CSMD3: variants seen among roughly 807,000 people sequenced by gnomAD.
CSMD3 encodes the protein CUB and Sushi multiple domains 3, also known as CUB and sushi domain-containing protein 3.
In CSMD3, 177 loss-of-function variants were observed where a neutral mutation model predicts 435.2. The ratio of observed to expected loss-of-function variants is 0.41; its 90% confidence interval spans 0.36 to 0.46. CSMD3 has a LOEUF of 0.46. Ranked by LOEUF, CSMD3 falls within the 20% of genes least tolerant of loss-of-function variation. The pLI is 0.34. For synonymous variants in CSMD3, 1,656 were observed against 1,520.5 expected (o/e 1.09, Z -2.07); for missense variants, 4,265 against 4,504.6 (o/e 0.95, Z 1.52).
At chr8:112,927,360 A>G (rs1404672552) in intron 9 of CSMD3, among the ~76,000 whole-genome samples, 5 of 152,120 alleles carry the variant, frequency 3.3e-5, no homozygotes, top group African/African-American at 7.2e-5. Flanking sequence ...TTTCTTTCTT[A>G]TTTCCTTCTT....
At position 113,148,146 on chromosome 8, in the gene CSMD3, A is replaced by G. The variant is rs182900091; in HGVS notation, c.709+25576T>C. Among the ~76,000 whole-genome samples, 6 of 151,864 alleles carry G rather than the reference A, an allele frequency of 4.0e-5. No individual in the cohort carries two copies. The South Asian group carries it at 8.3e-4, about 21-fold the overall frequency. Reference sequence around the variant, plus strand: ...CTCATTTCTAAAGAGTTTTATATCCATATCTTCCATTCCACAGCCTCTCAC... The same window carrying G: ...CTCATTTCTAAAGAGTTTTATATCCGTATCTTCCATTCCACAGCCTCTCAC... On this transcript the variant is annotated intron_variant, in intron 4 of 70. Coordinates refer to ENST00000297405, the MANE Select transcript of CSMD3 (RefSeq NM_198123.2).
intron 3 of CSMD3, among the ~76,000 whole-genome samples, chr8:113,267,079 T>C (rs143657334): frequency 1.3e-5 from 2 of 151,736 alleles, no homozygotes; most frequent in African/African-American, 4.8e-5. Flanking sequence ...AGAATTATTA[T>C]TGTTAAAAAG....
intron 12 of CSMD3, among the ~76,000 whole-genome samples, chr8:112,826,626 T>C (rs1407047380): frequency 6.6e-6 from 1 of 152,172 alleles, no homozygotes; most frequent in East Asian, 1.9e-4. Context: ...ACTGCTCTTT[T>C]TCCTCTCCTT....
chr8:112,483,694 T>G (rs1819848707), intron 31 of CSMD3, among the ~76,000 whole-genome samples: 1 of 152,070 alleles, frequency 6.6e-6, no homozygotes, highest in Non-Finnish European at 1.5e-5. Context: ...AATGAGGCTT[T>G]TGTAAGGCCT....
chr8:112,938,246 A>G (rs2083345293), intron 9 of CSMD3, among the ~76,000 whole-genome samples: 2 of 152,194 alleles, frequency 1.3e-5, no homozygotes, highest in Admixed American at 6.6e-5. Flanking sequence ...ATTAATGCCC[A>G]TGAACTTTCT....
intron 68 of CSMD3, among the ~76,000 whole-genome samples, chr8:112,232,985 T>C (rs1348445135): frequency 6.6e-6 from 1 of 152,194 alleles, no homozygotes; most frequent in Non-Finnish European, 1.5e-5. Flanking sequence ...ACTAAATACT[T>C]ATTATTGTTT....
intron 25 of CSMD3, among the ~76,000 whole-genome samples, chr8:112,553,899 G>A (rs1827896312): frequency 6.6e-6 from 1 of 151,846 alleles, no homozygotes; most frequent in Non-Finnish European, 1.5e-5. Flanking sequence ...TGTCAACTTG[G>A]CTGGGCTATT....
intron 44 of CSMD3, among the ~76,000 whole-genome samples, chr8:112,336,330 G>T (rs1824550853): frequency 6.6e-6 from 1 of 152,070 alleles, no homozygotes; most frequent in Non-Finnish European, 1.5e-5. Context: ...ACTGGCTTTT[G>T]TAAGTAGAGA....
At chr8:112,744,614 A>AT (rs545880939) in intron 13 of CSMD3, among the ~76,000 whole-genome samples, 160 of 151,652 alleles carry the variant, frequency 1.1e-3, no homozygotes, top group Non-Finnish European at 1.8e-3. Flanking sequence ...TAATATAGAG[A>AT]TTTTTTTTTC....
At chr8:112,465,944 C>A (rs1360277518) in intron 32 of CSMD3, among the ~76,000 whole-genome samples, 4 of 146,240 alleles carry the variant, frequency 2.7e-5, no homozygotes, top group Middle Eastern at 3.6e-3. Context: ...CACTGCACTG[C>A]AGCCTGGGAA....
rs758152640 is a variant in CSMD3, at chr8:112,306,016, G to A, written c.8062C>T (p.Arg2688Cys). 12 of 1,612,976 alleles carry A rather than the reference G, an allele frequency of 7.4e-6. No homozygotes were observed. The highest frequency in any genetic ancestry group is 3.3e-5 in the Admixed American group (2 of 59,996). Residue 2688 changes from arginine to cysteine, a missense_variant, in exon 51 of 71, where the codon CGC becomes TGC. By Grantham distance (180) the Arg-to-Cys change is radical. Around this residue, in one of 3 missense-constraint regions of CSMD3, gnomAD observed 3,255 missense variants for 3,380.2 expected, o/e 0.96. Transcript: ENST00000297405. ...GTWSNHNKTP[R>C]CVVVTCPSIN... ...CCCTTGACACACATACCAACACAGC[G>A]AGGGGTCTTGTTATGATTGCTCCAT...
chr8:113,273,260 C>T (rs934010822), intron 3 of CSMD3, among the ~76,000 whole-genome samples: 28 of 151,466 alleles, frequency 1.8e-4, no homozygotes, highest in African/African-American at 6.6e-4. Context: ...AGTTAGTTTC[C>T]TTTGTCTAAC....
chr8:112,940,610 A>G (rs2083423809), intron 9 of CSMD3, among the ~76,000 whole-genome samples: 1 of 151,846 alleles, frequency 6.6e-6, no homozygotes, highest in South Asian at 2.1e-4. Flanking sequence ...GTTATATTCT[A>G]TAGGTATTTC....
chr8:112,600,869 G>C (rs1281748389), intron 22 of CSMD3, among the ~76,000 whole-genome samples: 1 of 151,924 alleles, frequency 6.6e-6, no homozygotes, highest in Non-Finnish European at 1.5e-5. Context: ...AGTAGAGACG[G>C]GGTTTCACCG....
At chr8:112,651,929 C>T (rs2075136954) in intron 18 of CSMD3, among the ~76,000 whole-genome samples, 1 of 152,146 alleles carries the variant, frequency 6.6e-6, no homozygotes, top group African/African-American at 2.4e-5. Flanking sequence ...TGAAAAGCAT[C>T]ATGTCATGTA....
chr8:112,244,216 TAGACTCATAA>T (rs1271867407), intron 65 of CSMD3, among the ~76,000 whole-genome samples, 168 bp downstream of exon 65: 2 of 152,150 alleles, frequency 1.3e-5, no homozygotes, highest in African/African-American at 4.8e-5. Flanking sequence ...AAGCTATGAA[TAGACTCATAA>T]AATTTATATG....
chr8:112,526,324 G>T (rs1824958483), intron 27 of CSMD3, among the ~76,000 whole-genome samples: 2 of 151,890 alleles, frequency 1.3e-5, no homozygotes, highest in African/African-American at 4.8e-5. Flanking sequence ...TATTGACAAT[G>T]ATCTGGAAAA....
Position 112,371,745 on chromosome 8 carries a change from G to A in CSMD3, c.6136+8607C>T, listed in dbSNP as rs141856847. On this transcript the variant is annotated intron_variant, in intron 38 of 70. Transcript: ENST00000297405. ...TCTACTAAAAATACAAAAATTAGCC[G>A]GGCATGGTGGTGCATGCCTGTAATC... Among the ~76,000 whole-genome samples, 158 of 151,878 alleles carry A rather than the reference G, an allele frequency of 1.0e-3. 1 individual carries two copies. In the East Asian group the frequency reaches 0.023, roughly 22 times the overall value.
chr8:113,190,449 A>T (rs1014243169), intron 3 of CSMD3, among the ~76,000 whole-genome samples: 3 of 151,764 alleles, frequency 2.0e-5, no homozygotes, highest in African/African-American at 7.3e-5. Context: ...GAATGCATGG[A>T]GAGTTGATGG....
Sources: gnomAD v4.1 joint callset for allele counts (sites outside exome capture counted in the v4.1 genomes callset) on GRCh38, gnomAD v4.1.1 for gene constraint, gnomAD v4.1.1 regional missense constraint, MANE v1.5 for transcripts, NCBI Gene and HGNC (gene_info 2026-07-23, HGNC 2026-07-21) for gene names.